Variants in SLC35F4 observed in about 807,000 individuals in gnomAD.
The protein encoded by SLC35F4 is solute carrier family 35 member F4, also known as chromosome 14 open reading frame 36.
In SLC35F4, 24 loss-of-function variants were observed where a neutral mutation model predicts 44.2. The ratio of observed to expected loss-of-function variants is 0.54; its 90% CI spans 0.39 to 0.76. The LOEUF is 0.76. SLC35F4 is among the 30% of genes least tolerant of loss of function. The pLI, the probability that SLC35F4 is intolerant of heterozygous loss-of-function variation, is 0.00. For synonymous variants in SLC35F4, 238 were observed against 223.6 expected, an observed-to-expected ratio of 1.06 and a Z score of -0.57; for missense variants, 562 against 586.1, an observed-to-expected ratio of 0.96 and a Z score of 0.42.
At chr14:57,673,606 G>A (rs1015223334) in intron 1 of SLC35F4, among the ~76,000 whole-genome samples, 2 of 151,926 alleles carry the variant, frequency 1.3e-5, no homozygotes, top group African/African-American at 4.8e-5. Flanking sequence ...TTTCTAAGAG[G>A]AGCAGTTGAA....
At chr14:57,765,374 C>A (rs1433350036) in intron 1 of SLC35F4, among the ~76,000 whole-genome samples, 2 of 152,216 alleles carry the variant, frequency 1.3e-5, no homozygotes, top group Admixed American at 1.3e-4. Flanking sequence ...GATCCCCTCT[C>A]TACAGGTTCC....
At chr14:57,666,168 C>A (rs989998235) in intron 1 of SLC35F4, among the ~76,000 whole-genome samples, 42 of 152,152 alleles carry the variant, frequency 2.8e-4, no homozygotes, top group African/African-American at 9.9e-4. Flanking sequence ...GTTGTGTGTA[C>A]AGACAGAAAC....
chr14:57,734,953 C>T (rs1051287969), intron 1 of SLC35F4, among the ~76,000 whole-genome samples: 12 of 152,136 alleles, frequency 7.9e-5, no homozygotes, highest in Non-Finnish European at 1.5e-5. Flanking sequence ...TTCCAATATA[C>T]TCTCCCAGTT....
chr14:57,619,596 C>T (rs991818998), intron 1 of SLC35F4, among the ~76,000 whole-genome samples: 2 of 152,048 alleles, frequency 1.3e-5, no homozygotes, highest in African/African-American at 2.4e-5. Context: ...GAAACCAGCA[C>T]AAAAAGGCTA....
chr14:57,944,794 A>C (rs1889992780), intron 1 of SLC35F4, among the ~76,000 whole-genome samples: 5 of 152,078 alleles, frequency 3.3e-5, no homozygotes, highest in Admixed American at 2.6e-4. Flanking sequence ...AAAAGAAGAA[A>C]GAAAAAAGAA....
Position 57,884,187 on chromosome 14 carries a change from T to G in SLC35F4, n.282+97726A>C, listed in dbSNP as rs545614606. ...TGTGTCAAAGCACTAACTATAACTC[T>G]TCTAGACACTTCTTGTTTTCAGAAA... On this transcript the variant is annotated intron_variant and non_coding_transcript_variant, in intron 1 of 1. Transcript: ENST00000556568. Among the ~76,000 whole-genome samples, 4 of 152,312 alleles carry G rather than the reference T, an allele frequency of 2.6e-5. No homozygotes were observed. In the South Asian group the frequency reaches 6.2e-4, roughly 24 times the overall value.
At chr14:57,970,878 C>T (rs1037085218) in intron 1 of SLC35F4, among the ~76,000 whole-genome samples, 1 of 152,204 alleles carries the variant, frequency 6.6e-6, no homozygotes, top group South Asian at 2.1e-4. Flanking sequence ...TGCTCCTATG[C>T]TGACCATCCT....
In SLC35F4 at chr14:57,902,067, C is replaced by T. The variant is rs542329714; in HGVS notation, n.282+79846G>A. 1.2e-4 allele frequency among the ~76,000 whole-genome samples: 19 copies of T among 152,290 alleles called. 1 individual carries two copies. The highest frequency in any genetic ancestry group is 4.6e-4 in the African/African-American group (19 of 41,564). ...AAGCACAAAAGTTCAGGTGCCAACA[C>T]CTTTCTGTCCTTTACTTTGGGGAAA... On this transcript the variant is annotated intron_variant and non_coding_transcript_variant, in intron 1 of 1. Coordinates refer to the SLC35F4 transcript ENST00000556568.
At chr14:57,766,331 A>T (rs141155674) in intron 1 of SLC35F4, among the ~76,000 whole-genome samples, 4 of 152,328 alleles carry the variant, frequency 2.6e-5, no homozygotes, top group Non-Finnish European at 5.9e-5. Flanking sequence ...TTAAGTATTC[A>T]TGGAAAGTTT....
intron 1 of SLC35F4, among the ~76,000 whole-genome samples, chr14:57,794,611 C>T (rs1306819410): frequency 3.3e-5 from 5 of 152,002 alleles, no homozygotes; most frequent in African/African-American, 7.2e-5. Context: ...TTATAGTAGC[C>T]TTGACTACTG....
chr14:57,653,089 T>C (rs546994733), intron 1 of SLC35F4, among the ~76,000 whole-genome samples: 2 of 152,254 alleles, frequency 1.3e-5, no homozygotes, highest in South Asian at 4.1e-4. Context: ...AAACCTCAGG[T>C]ACATATTCCC....
chr14:57,727,400 C>T (rs2076231716), intron 1 of SLC35F4, among the ~76,000 whole-genome samples: 1 of 151,320 alleles, frequency 6.6e-6, no homozygotes, highest in Admixed American at 6.6e-5. Flanking sequence ...TTCAAATTCA[C>T]TTATTTTTGC....
chr14:57,783,236 T>C (rs2077670779), intron 1 of SLC35F4, among the ~76,000 whole-genome samples: 1 of 151,088 alleles, frequency 6.6e-6, no homozygotes, highest in African/African-American at 2.5e-5. Context: ...AGCTGGAGGA[T>C]TTAATGTCAG....
intron 1 of SLC35F4, among the ~76,000 whole-genome samples, chr14:57,784,529 T>A (rs1017150825): frequency 6.6e-5 from 10 of 151,938 alleles, no homozygotes; most frequent in East Asian, 1.9e-4. Flanking sequence ...ATAAAAAAAA[T>A]TTTTTCTTAG....
chr14:57,577,273 C>CTGA (rs1305588367), intron 4 of SLC35F4, among the ~76,000 whole-genome samples: 2 of 152,124 alleles, frequency 1.3e-5, no homozygotes, highest in Admixed American at 6.6e-5. Context: ...TTCAGTTTAA[C>CTGA]TGATGTACTT....
chr14:57,948,271 A>G (rs1890070766), intron 1 of SLC35F4, among the ~76,000 whole-genome samples: 2 of 151,934 alleles, frequency 1.3e-5, no homozygotes, highest in Admixed American at 1.3e-4. Context: ...AGGATTGTAT[A>G]TTTCCAGGAA....
At chr14:57,724,479 T>G (rs572101188) in intron 1 of SLC35F4, among the ~76,000 whole-genome samples, 2 of 152,328 alleles carry the variant, frequency 1.3e-5, no homozygotes, top group South Asian at 4.1e-4. Flanking sequence ...TATCATGAAC[T>G]GAGTCCTTTC....
intron 1 of SLC35F4, among the ~76,000 whole-genome samples, chr14:57,694,741 G>A (rs1026527186): frequency 6.6e-6 from 1 of 152,024 alleles, no homozygotes; most frequent in African/African-American, 2.4e-5. Flanking sequence ...ACAGTTTTCT[G>A]TATAGAGGTC....
chr14:57,603,267 C>G (rs776707692), intron 1 of SLC35F4, among the ~76,000 whole-genome samples: 9 of 152,148 alleles, frequency 5.9e-5, no homozygotes, highest in Non-Finnish European at 1.2e-4. Context: ...ATAGAAAGTG[C>G]TTTTCATTGC....
Sources: gnomAD v4.1 joint callset for allele counts (sites outside exome capture counted in the v4.1 genomes callset) on GRCh38, gnomAD v4.1.1 for gene constraint, MANE v1.5 for transcripts, NCBI Gene and HGNC (gene_info 2026-07-23, HGNC 2026-07-21) for gene names.